The following SLC25A25 variants were observed in gnomAD, a reference collection of about 807,000 sequenced individuals.
SLC25A25 encodes solute carrier family 25 member 25.
SLC25A25 carries 32 observed loss-of-function variants against 57.7 expected under a neutral mutation model. That is an observed-to-expected ratio of 0.55 (90% confidence interval 0.42 to 0.74). The LOEUF (loss-of-function observed/expected upper bound fraction) is 0.74, where lower values mean the gene tolerates loss of function less well. Ranked by LOEUF, SLC25A25 falls within the 30% of genes least tolerant of loss-of-function variation. The pLI, the probability that SLC25A25 is intolerant of heterozygous loss-of-function variation, is 0.00. For missense variants in SLC25A25, 556 were observed against 701.3 expected (o/e 0.79, Z 2.34); for synonymous variants, 306 against 291.2 (o/e 1.05, Z -0.52).
Position 128,102,524 on chromosome 9 carries a change from C to T in SLC25A25, c.624+43C>T. ...AGGGCCCTCATCTGCTCCCAGGGAC[C>T]CTTAGCCCAGAGTCACCCAGTCGTC... On this transcript the variant is annotated intron_variant, in intron 5 of 10. Transcript: ENST00000373069. The surrounding 1 kb of genome is among the most constrained non-coding windows in gnomAD (Gnocchi z 4.1). The T allele has an allele frequency of 6.5e-7, 1 of 1,536,922 alleles. No individual in the cohort carries two copies. The highest frequency in any genetic ancestry group is 1.1e-5 in the South Asian group (1 of 87,694).
chr9:128,085,650 CT>C (rs1404835589), intron 1 of SLC25A25, among the ~76,000 whole-genome samples: 2 of 151,718 alleles, frequency 1.3e-5, no homozygotes, highest in Non-Finnish European at 2.9e-5. Context: ...TTTCTGATCT[CT>C]TAGGGTGGAA....
intron 1 of SLC25A25, among the ~76,000 whole-genome samples, chr9:128,093,816 AC>A (rs1262874390): frequency 6.6e-6 from 1 of 152,210 alleles, no homozygotes; most frequent in Non-Finnish European, 1.5e-5. Context: ...TCACCAAATC[AC>A]AAAAAGGACC....
Position 128,095,671 on chromosome 9 carries a change from G to A in SLC25A25, c.262-5425G>A, listed in dbSNP as rs1833534094. Among the ~76,000 whole-genome samples the A allele has an allele frequency of 6.6e-6, 1 of 152,174 alleles. No individual in the cohort carries two copies. The highest frequency in any genetic ancestry group is 6.5e-5 in the Admixed American group (1 of 15,274). On this transcript the variant is annotated intron_variant, in intron 1 of 10. Coordinates refer to ENST00000373069, the MANE Select transcript of SLC25A25 (RefSeq NM_001330988.2). The surrounding 1 kb of genome is among the most constrained non-coding windows in gnomAD (Gnocchi z 4.4). ...GAACCCTTTTAAAAATTAGCTGGGT[G>A]TGCTCGTGGGCACCTGTAGTCCCAG... is the stretch of plus-strand genomic sequence containing the variant.
At position 128,102,181 on chromosome 9, in the gene SLC25A25, G is replaced by A; in HGVS notation, c.512+66G>A. 2 of 1,538,648 alleles carry A rather than the reference G, an allele frequency of 1.3e-6. No homozygotes were observed. The highest frequency in any genetic ancestry group is 1.8e-6 in the Non-Finnish European group (2 of 1,136,074). ...CATGCCTGATCAGAGCGGGATTCTT[G>A]TGGGCCATTATATTGCCATTGTTGT... On this transcript the variant is annotated intron_variant, in intron 4 of 10. Coordinates refer to ENST00000373069, the MANE Select transcript of SLC25A25 (RefSeq NM_001330988.2). This position sits in a 1 kb window ranked among gnomAD's most constrained non-coding sequence, Gnocchi z 4.1.
chr9:128,101,712 C>T lies in SLC25A25; in HGVS notation c.476+316C>T, dbSNP rs550009907. On this transcript the variant is annotated intron_variant, in intron 3 of 10. Transcript: ENST00000373069. This position sits in a 1 kb window ranked among gnomAD's most constrained non-coding sequence, Gnocchi z 4.9. ...TGCGTGTGGAGGGGGCGGGGCGGGG[C>T]GGGGGGCTCACACTGCAGCCTCGTT... is the stretch of plus-strand genomic sequence containing the variant. Among the ~76,000 whole-genome samples the T allele has an allele frequency of 1.1e-3, 59 of 52,618 alleles. No individual in the cohort carries two copies. The highest frequency in any genetic ancestry group is 3.9e-3 in the African/African-American group (54 of 13,908). 34.5% of individuals were successfully genotyped at this position (52,618 alleles called of 152,430 possible). A position where few individuals can be genotyped will look rare whatever the true frequency, so the allele number is the denominator to read the frequency against.
intron 1 of SLC25A25, chr9:128,098,879 T>C (rs1224330016): frequency 2.0e-6 from 2 of 985,286 alleles, no homozygotes; most frequent in Non-Finnish European, 2.4e-6. Context: ...GGCCGGCACG[T>C]GTACGTCACA....
At chr9:128,083,238 AAT>A (rs1316851656) in intron 1 of SLC25A25, among the ~76,000 whole-genome samples, 1 of 13,992 alleles carries the variant, frequency 7.1e-5, no homozygotes, top group African/African-American at 9.9e-5. Flanking sequence ...AAAAAAAAAA[AAT>A]AAATAAATAA....
rs777661968 is a variant in SLC25A25 at position 128,107,198 on chromosome 9, A to C, written c.1363+19A>C. Reference sequence around the variant, plus strand: ...GCGCAAGGTAAGGCTGGCCCTGGACAGTCCCCTGGGAGGTCGGGGGGAGCG... The same window carrying C: ...GCGCAAGGTAAGGCTGGCCCTGGACCGTCCCCTGGGAGGTCGGGGGGAGCG... On this transcript the variant is annotated intron_variant, in intron 10 of 10. Coordinates refer to ENST00000373069, the MANE Select transcript of SLC25A25 (RefSeq NM_001330988.2). 6.2e-7 allele frequency: 1 copy of C among 1,613,492 alleles called. No homozygotes were observed. Among genetic ancestry groups the C allele is most frequent in the South Asian group, 1.1e-5 (1 of 91,078 alleles).
At chr9:128,080,769 C>CT (rs1406789216) in intron 1 of SLC25A25, among the ~76,000 whole-genome samples, 1 of 152,096 alleles carries the variant, frequency 6.6e-6, no homozygotes, top group Non-Finnish European at 1.5e-5. Flanking sequence ...CCTGTTGTTG[C>CT]TTTTGGTTAA....
At position 128,106,215 on chromosome 9, in the gene SLC25A25, C is replaced by T; in HGVS notation, c.1002C>T (p.Ser334=). Residue 334 remains serine (S), a synonymous_variant, in exon 8 of 11, where the codon TCC becomes TCT. Transcript: ENST00000373069. ...TTCACGAGAGGCTTGTGGCAGGGTC[C>T]TTGGCAGGGGCCATCGCCCAGAGCA... ...LRIHERLVAG[S]LAGAIAQSSI... 1 of 1,614,186 alleles carries T rather than the reference C, an allele frequency of 6.2e-7. No homozygotes were observed. The highest frequency in any genetic ancestry group is 8.5e-7 in the Non-Finnish European group (1 of 1,180,028).
chr9:128,088,373 G>A (rs540271716), intron 1 of SLC25A25, among the ~76,000 whole-genome samples: 1 of 152,258 alleles, frequency 6.6e-6, no homozygotes, highest in African/African-American at 2.4e-5. Flanking sequence ...CCACCCATGC[G>A]CTGTGACTCC....
intron 1 of SLC25A25, among the ~76,000 whole-genome samples, chr9:128,100,022 G>A (rs1003901832): frequency 2.0e-5 from 3 of 152,172 alleles, no homozygotes; most frequent in African/African-American, 7.2e-5. Context: ...AGCCTTGAGG[G>A]TGGCGGCAGG....
chr9:128,083,101 G>A (rs1220280034), intron 1 of SLC25A25, among the ~76,000 whole-genome samples: 1 of 152,012 alleles, frequency 6.6e-6, no homozygotes, highest in Non-Finnish European at 1.5e-5. Flanking sequence ...TGTGGCGGGC[G>A]CCTGTAGTCC....
chr9:128,092,045 C>T (rs368885889), intron 1 of SLC25A25: 3 of 1,613,818 alleles, frequency 1.9e-6, no homozygotes, highest in African/African-American at 2.7e-5. Context: ...GGAAAAAAGA[C>T]CCACCATTTT....
intron 1 of SLC25A25, among the ~76,000 whole-genome samples, chr9:128,083,122 G>A (rs1833189965): frequency 6.6e-6 from 1 of 151,992 alleles, no homozygotes; most frequent in African/African-American, 2.4e-5. Context: ...CAGCTACTCA[G>A]GAGGCTGAGG....
chr9:128,108,500 C>G lies in SLC25A25; in HGVS notation c.*1056C>G. 2.6e-6 allele frequency: 1 copy of G among 380,568 alleles called. No individual in the cohort carries two copies. Among genetic ancestry groups the G allele is most frequent in the South Asian group, 1.5e-4 (1 of 6,854 alleles). 23.6% of individuals were successfully genotyped at this position (380,568 alleles called of 1,614,324 possible). A position where few individuals can be genotyped will look rare whatever the true frequency, so the allele number is the denominator to read the frequency against. ...CCAGCCCCACATTCCACTTGTGTCA[C>G]TGCTTGGAACCTATTTATTTTGTAT... On this transcript the variant is annotated 3_prime_UTR_variant, in exon 11 of 11. Coordinates refer to ENST00000373069, the MANE Select transcript of SLC25A25 (RefSeq NM_001330988.2).
chr9:128,098,346 C>T (rs1588776458), intron 1 of SLC25A25: 3 of 786,232 alleles, frequency 3.8e-6, no homozygotes, highest in East Asian at 3.6e-5. Flanking sequence ...ACTTGAGCAA[C>T]CTGATGCCAC....
chr9:128,097,433 T>C (rs1165422446), intron 1 of SLC25A25, among the ~76,000 whole-genome samples: 1 of 151,048 alleles, frequency 6.6e-6, no homozygotes, highest in Admixed American at 6.7e-5. Flanking sequence ...TTTAATGAAT[T>C]TACTTTTTTG....
At chr9:128,074,801 G>A (rs1832975824) in intron 1 of SLC25A25, among the ~76,000 whole-genome samples, 1 of 152,142 alleles carries the variant, frequency 6.6e-6, no homozygotes, top group African/African-American at 2.4e-5. Flanking sequence ...AGGAGTTCGA[G>A]ACAAGCCTGG....
Sources: allele counts gnomAD v4.1 joint callset (sites outside exome capture counted in the v4.1 genomes callset), GRCh38; gene constraint gnomAD v4.1.1; non-coding constraint Gnocchi (gnomAD v3.1); transcripts MANE v1.5; gene names NCBI Gene and HGNC (gene_info 2026-07-23, HGNC 2026-07-21).